The following YTHDC2 variants were observed in gnomAD, a reference collection of about 807,000 sequenced individuals.
The protein encoded by YTHDC2 is 3'-5' RNA helicase YTHDC2.
YTHDC2 carries 45 observed loss-of-function variants against 174.9 expected under a neutral mutation model. The ratio of observed to expected loss-of-function variants is 0.26; its 90% CI spans 0.20 to 0.33. The LOEUF (loss-of-function observed/expected upper bound fraction) is 0.33, where lower values mean the gene tolerates loss of function less well. YTHDC2 is among the 10% of genes least tolerant of loss of function. The pLI is 1.00. For missense variants in YTHDC2, 1,650 were observed against 1,723.7 expected (o/e 0.96, Z 0.76); for synonymous variants, 657 against 574.5 (o/e 1.14, Z -2.05).
chr5:113,579,541 G>C (rs1032459672), intron 23 of YTHDC2, 45 bp from the exon 24 acceptor site: 1 of 1,436,344 alleles, frequency 7.0e-7, no homozygotes, highest in South Asian at 1.4e-5. Context: ...TTGCCATAAC[G>C]TAAGAAGGTA....
intron 26 of YTHDC2, among the ~76,000 whole-genome samples, chr5:113,590,099 A>G (rs1278143762): frequency 6.6e-6 from 1 of 152,182 alleles, no homozygotes; most frequent in Non-Finnish European, 1.5e-5. Context: ...AACAGTATTT[A>G]ACTTCTCTTC....
chr5:113,520,837 G>A (rs1387475064), intron 2 of YTHDC2, among the ~76,000 whole-genome samples: 1 of 152,134 alleles, frequency 6.6e-6, no homozygotes, highest in African/African-American at 2.4e-5. Flanking sequence ...AGTCAAGGGG[G>A]TTTGTTGTAC....
At chr5:113,589,408 A>AAATATATATAT (rs368975720) in intron 26 of YTHDC2, among the ~76,000 whole-genome samples, 24 of 123,236 alleles carry the variant, frequency 1.9e-4, no homozygotes, top group Non-Finnish European at 2.9e-4. Flanking sequence ...AAAAAAAAAA[A>AAATATATATAT]ATATATATAT....
rs1779198807 is a variant in YTHDC2 at position 113,595,231 on chromosome 5, G to GT, written c.*1763dup. On this transcript the variant is annotated 3_prime_UTR_variant, in exon 30 of 30. Coordinates refer to ENST00000161863, the MANE Select transcript of YTHDC2 (RefSeq NM_022828.5). ...ACAACTTGAATGTAATTAAAGTGCT[G>GT]TTTTTTGGAAGCGATAAACTTTAAA... is the stretch of plus-strand genomic sequence containing the variant. 1 of 152,000 alleles carries GT rather than the reference G, an allele frequency of 6.6e-6. No individual in the cohort carries two copies. The highest frequency in any genetic ancestry group is 1.5e-5 in the Non-Finnish European group (1 of 67,966). 9.4% of individuals were successfully genotyped at this position (152,000 alleles called of 1,614,324 possible). A position where few individuals can be genotyped will look rare whatever the true frequency, so the allele number is the denominator to read the frequency against.
At chr5:113,581,330 C>G in intron 24 of YTHDC2, 87 bp from the exon 25 acceptor site, 2 of 1,242,458 alleles carry the variant, frequency 1.6e-6, no homozygotes, top group Non-Finnish European at 1.1e-6. Context: ...TTGTTGGAAA[C>G]AGTTGCAAAC....
At chr5:113,587,710 T>A (rs2112813119) in intron 26 of YTHDC2, among the ~76,000 whole-genome samples, 1 of 150,766 alleles carries the variant, frequency 6.6e-6, no homozygotes, top group East Asian at 1.9e-4. Context: ...TTCAACTTTG[T>A]TTATCTTCTT....
At chr5:113,522,727 A>T (rs961396760) in intron 2 of YTHDC2, among the ~76,000 whole-genome samples, 1 of 152,138 alleles carries the variant, frequency 6.6e-6, no homozygotes, top group Admixed American at 6.5e-5. Context: ...ACTGTATTTA[A>T]TGTTTCCATC....
chr5:113,571,492 A>G (rs764122199), intron 23 of YTHDC2, among the ~76,000 whole-genome samples: 1 of 152,228 alleles, frequency 6.6e-6, no homozygotes, highest in Non-Finnish European at 1.5e-5. Flanking sequence ...CTGGTCTTAC[A>G]GTATGAGTTA....
Position 113,567,208 on chromosome 5 carries a change from G to A in YTHDC2, c.2959G>A (p.Asp987Asn), listed in dbSNP as rs757994040. The A allele has an allele frequency of 6.2e-7, 1 of 1,613,756 alleles. No individual in the cohort carries two copies. The highest frequency in any genetic ancestry group is 1.1e-5 in the South Asian group (1 of 91,052). The change falls in exon 22 of 30, where the codon GAC (aspartate) becomes AAC (asparagine). Residue 987 changes from aspartate (D) to asparagine (N), a missense_variant. Physicochemically the swap from Asp to Asn is conservative, Grantham distance 23. This residue lies in a region of YTHDC2 where 913 missense variants were observed against 940.4 expected (regional missense o/e 0.97). Transcript: ENST00000161863. The part of the protein sequence containing the change: ...AGMYPNLVHV[D>N]RENLVLTGPK... ...CATGTATCCTAATTTAGTCCACGTG[G>A]ACAGAGAGAATCTAGTGTTGACAGG...
chr5:113,513,833 G>A lies in YTHDC2; in HGVS notation c.-63G>A, dbSNP rs1403408441. On this transcript the variant is annotated 5_prime_UTR_variant, in exon 1 of 30. Transcript: ENST00000161863. ...GTGGCCCCGGATTCCCACGGTCTTT[G>A]TCATTGGCTGTCAGCTAGCAGGCCT... 8 of 1,504,018 alleles carry A rather than the reference G, an allele frequency of 5.3e-6. No individual in the cohort carries two copies. Among genetic ancestry groups the A allele is most frequent in the East Asian group, 5.0e-5 (2 of 40,032 alleles). 93.2% of individuals were successfully genotyped at this position (1,504,018 alleles called of 1,614,324 possible).
At chr5:113,584,266 A>C in intron 25 of YTHDC2, 36 bp from the exon 26 acceptor site, 2 of 1,572,498 alleles carry the variant, frequency 1.3e-6, no homozygotes, top group Non-Finnish European at 1.7e-6. Flanking sequence ...ACGAACTTAT[A>C]TATAACTGAT....
chr5:113,586,043 T>C (rs183270128), intron 26 of YTHDC2, among the ~76,000 whole-genome samples: 7 of 152,200 alleles, frequency 4.6e-5, no homozygotes, highest in African/African-American at 1.4e-4. Context: ...TTGTTTGAGT[T>C]GTTTGATAAA....
chr5:113,558,711 T>A (rs1270567526), intron 17 of YTHDC2, among the ~76,000 whole-genome samples: 1 of 151,860 alleles, frequency 6.6e-6, no homozygotes, highest in African/African-American at 2.4e-5. Context: ...ATCACAAGGT[T>A]AGGAGTTCAA....
intron 17 of YTHDC2, among the ~76,000 whole-genome samples, 198 bp from the exon 18 acceptor site, chr5:113,560,882 A>G (rs1776917887): frequency 6.6e-6 from 1 of 152,164 alleles, no homozygotes; most frequent in African/African-American, 2.4e-5. Context: ...CATGAATCTC[A>G]CTGTCTGAAA....
intron 22 of YTHDC2, 38 bp downstream of exon 22, chr5:113,567,335 A>G (rs1777404114): frequency 1.9e-6 from 3 of 1,551,018 alleles, no homozygotes; most frequent in Non-Finnish European, 2.6e-6. Flanking sequence ...TTGAGGTGAA[A>G]CTAATTTAGG....
At chr5:113,549,910 GAATA>G (rs1275970445) in intron 12 of YTHDC2, among the ~76,000 whole-genome samples, 4 of 151,176 alleles carry the variant, frequency 2.6e-5, no homozygotes, top group Admixed American at 6.7e-5. Context: ...TTGAATGAAT[GAATA>G]AATAAATAAT....
intron 24 of YTHDC2, chr5:113,581,207 T>C: frequency 4.6e-6 from 2 of 430,900 alleles, no homozygotes; most frequent in Non-Finnish European, 8.0e-6. Context: ...CTTATTAGAC[T>C]ATTTAATTTG....
chr5:113,586,804 C>T (rs1778703369), intron 26 of YTHDC2, among the ~76,000 whole-genome samples: 1 of 147,602 alleles, frequency 6.8e-6, no homozygotes, highest in African/African-American at 2.5e-5. Context: ...CAAAAATCAA[C>T]TGGCCATAAA....
intron 5 of YTHDC2, 144 bp from the exon 6 acceptor site, chr5:113,534,161 T>A (rs1774887363): frequency 1.9e-6 from 1 of 525,546 alleles, no homozygotes; most frequent in Non-Finnish European, 3.3e-6. Flanking sequence ...CAAAACCTCA[T>A]AGCTTTACTA....
Sources: gnomAD v4.1 joint callset for allele counts (sites outside exome capture counted in the v4.1 genomes callset) on GRCh38, gnomAD v4.1.1 for gene constraint, gnomAD v4.1.1 regional missense constraint, MANE v1.5 for transcripts, NCBI Gene and HGNC (gene_info 2026-07-23, HGNC 2026-07-21) for gene names.